Variants in CSMD1 observed in about 807,000 individuals in gnomAD.
CSMD1 encodes the protein CUB and Sushi multiple domains 1.
In CSMD1, 213 loss-of-function variants were observed where a neutral mutation model predicts 417.5. That is an observed-to-expected ratio of 0.51 (90% confidence interval 0.46 to 0.57). CSMD1 has a LOEUF of 0.57. Among genes scored for constraint, CSMD1 ranks in the 20% least tolerant of loss-of-function variants. The pLI is 0.00. For missense variants in CSMD1, 6,923 were observed against 4,529.7 expected (o/e 1.53, Z -15.17); for synonymous variants, 2,862 against 1,736.8 (o/e 1.65, Z -16.11).
At chr8:4,038,475 C>G (rs755880003) in intron 3 of CSMD1, among the ~76,000 whole-genome samples, 1 of 152,118 alleles carries the variant, frequency 6.6e-6, no homozygotes, top group South Asian at 2.1e-4. Flanking sequence ...TCGAGAAAAA[C>G]TAATTTGAAA....
At position 3,926,979 on chromosome 8, in the gene CSMD1, G is replaced by A. The variant is rs181088620; in HGVS notation, c.818+70924C>T. On this transcript the variant is annotated intron_variant, in intron 5 of 69. Coordinates refer to ENST00000635120, the MANE Select transcript of CSMD1 (RefSeq NM_033225.6). ...TCCACCCACCTCGGCCTCCCAAAGTGCTAGGATTACAGGCGTGAGCCACCG... is the reference window on the plus strand; with the variant it reads ...TCCACCCACCTCGGCCTCCCAAAGTACTAGGATTACAGGCGTGAGCCACCG... 2.5e-3 allele frequency among the ~76,000 whole-genome samples: 378 copies of A among 152,008 alleles called. 4 individuals carry two copies. The highest frequency in any genetic ancestry group is 4.3e-3 in the Non-Finnish European group (289 of 67,918).
chr8:2,984,281 A>C (rs1805666837), intron 54 of CSMD1, among the ~76,000 whole-genome samples: 1 of 152,076 alleles, frequency 6.6e-6, no homozygotes, highest in African/African-American at 2.4e-5. Flanking sequence ...AACGCACAGG[A>C]GGGAGAGGTA....
intron 4 of CSMD1, among the ~76,000 whole-genome samples, chr8:4,015,782 T>A (rs1796493597): frequency 6.6e-6 from 1 of 152,128 alleles, no homozygotes; most frequent in Admixed American, 6.5e-5. Context: ...TAAATGTATG[T>A]GTTCAGACAA....
chr8:4,559,200 T>C (rs1463004600), intron 2 of CSMD1, among the ~76,000 whole-genome samples: 2 of 152,158 alleles, frequency 1.3e-5, no homozygotes, highest in Non-Finnish European at 2.9e-5. Flanking sequence ...CTGGCTTTAG[T>C]CTCTTATGAC....
At chr8:4,189,693 T>G (rs1369855238) in intron 3 of CSMD1, among the ~76,000 whole-genome samples, 6 of 152,158 alleles carry the variant, frequency 3.9e-5, no homozygotes, top group Non-Finnish European at 7.4e-5. Context: ...GGAAAGAGTG[T>G]TGAGAATTAA....
At chr8:3,539,823 C>T (rs144347752) in intron 10 of CSMD1, among the ~76,000 whole-genome samples, 10 of 151,152 alleles carry the variant, frequency 6.6e-5, no homozygotes, top group South Asian at 2.1e-4. Context: ...AAACTCTAGA[C>T]GTGTTAAGGT....
Position 4,219,454 on chromosome 8 carries a change from C to G in CSMD1, c.416-187355G>C, listed in dbSNP as rs1001917343. Among the ~76,000 whole-genome samples the G allele has an allele frequency of 3.9e-5, 6 of 152,270 alleles. 1 individual carries two copies. The South Asian group carries it at 6.2e-4, about 16-fold the overall frequency. Reference sequence around the variant, plus strand: ...CTCTGATCATAATTCATACCCGAACCTCTCTCTTGAACTCTAGTCCTGAAT... The same window carrying G: ...CTCTGATCATAATTCATACCCGAACGTCTCTCTTGAACTCTAGTCCTGAAT... On this transcript the variant is annotated intron_variant, in intron 3 of 69. Transcript: ENST00000635120.
intron 3 of CSMD1, among the ~76,000 whole-genome samples, chr8:4,050,847 G>T (rs909447872): frequency 6.6e-6 from 1 of 152,118 alleles, no homozygotes; most frequent in Non-Finnish European, 1.5e-5. Flanking sequence ...TTTTAGAGAA[G>T]ATTCTGGATC....
At chr8:4,007,219 A>T (rs1816195203) in intron 4 of CSMD1, among the ~76,000 whole-genome samples, 1 of 152,108 alleles carries the variant, frequency 6.6e-6, no homozygotes, top group South Asian at 2.1e-4. Context: ...TTCTATTCAA[A>T]GCTGTGAACT....
At chr8:3,802,795 C>T (rs1343686843) in intron 5 of CSMD1, among the ~76,000 whole-genome samples, 1 of 152,118 alleles carries the variant, frequency 6.6e-6, no homozygotes, top group East Asian at 1.9e-4. Flanking sequence ...TTTGCTTTAA[C>T]TAAAGAAATG....
chr8:3,906,283 T>G (rs1026435253), intron 5 of CSMD1, among the ~76,000 whole-genome samples: 1 of 119,520 alleles, frequency 8.4e-6, no homozygotes, highest in East Asian at 2.6e-4. Flanking sequence ...ATAAAATCAA[T>G]TGTCATAGGG....
At chr8:3,715,238 G>A (rs756901126) in intron 6 of CSMD1, among the ~76,000 whole-genome samples, 5 of 152,110 alleles carry the variant, frequency 3.3e-5, no homozygotes, top group Admixed American at 1.3e-4. Flanking sequence ...CTAAGTAAGC[G>A]TTGAGCCAAT....
intron 3 of CSMD1, among the ~76,000 whole-genome samples, chr8:4,125,177 T>A (rs561141759): frequency 1.1e-4 from 16 of 152,200 alleles, no homozygotes; most frequent in African/African-American, 3.6e-4. Flanking sequence ...AGATAACTCT[T>A]GGGGCCCCAA....
At chr8:3,572,417 C>T (rs1220325478) in intron 10 of CSMD1, among the ~76,000 whole-genome samples, 5 of 152,144 alleles carry the variant, frequency 3.3e-5, no homozygotes, top group African/African-American at 1.2e-4. Flanking sequence ...GCAGCAGACG[C>T]AGGGAGCTTC....
chr8:4,761,912 A>ACCTATCT (rs1812126573), intron 1 of CSMD1, among the ~76,000 whole-genome samples: 1 of 101,268 alleles, frequency 9.9e-6, no homozygotes, highest in Non-Finnish European at 2.0e-5. Flanking sequence ...TCTATCTATC[A>ACCTATCT]ATCTATCTAT....
intron 7 of CSMD1, among the ~76,000 whole-genome samples, chr8:3,658,709 G>A (rs988914507): frequency 6.6e-6 from 1 of 152,032 alleles, no homozygotes; most frequent in Non-Finnish European, 1.5e-5. Context: ...CTTGAACGCA[G>A]GAGGCTAAGG....
intron 1 of CSMD1, among the ~76,000 whole-genome samples, chr8:4,914,591 A>G (rs1805928564): frequency 1.3e-5 from 2 of 151,990 alleles, no homozygotes; most frequent in East Asian, 1.9e-4. Flanking sequence ...AAGAAAAAAA[A>G]AAAAAAAAAA....
chr8:4,432,566 C>A (rs752500032), intron 2 of CSMD1, among the ~76,000 whole-genome samples: 1 of 152,148 alleles, frequency 6.6e-6, no homozygotes, highest in Non-Finnish European at 1.5e-5. Flanking sequence ...ACCCTTATGA[C>A]TTAAAGACAG....
In CSMD1 at chr8:3,201,639, G is replaced by C; in HGVS notation, c.5071C>G (p.Leu1691Val). ...GAGTGAGACCCCGAGAGTGAGCTGA[G>C]AAGTCTGGCCTGTGCATGGGTTCCA... ...FDGTHAQARL[L>V]SSLSGSHSGE... Residue 1691 changes from leucine to valine, a missense_variant, in exon 32 of 70, where the codon CTC (leucine) becomes GTC (valine). By Grantham distance (32) the Leu-to-Val change is conservative. Coordinates refer to ENST00000635120, the MANE Select transcript of CSMD1 (RefSeq NM_033225.6). 4 of 1,604,872 alleles carry C rather than the reference G, an allele frequency of 2.5e-6. No homozygotes were observed. Among genetic ancestry groups the C allele is most frequent in the African/African-American group, 1.3e-5 (1 of 74,852 alleles).
Sources: allele counts gnomAD v4.1 joint callset (sites outside exome capture counted in the v4.1 genomes callset), GRCh38; gene constraint gnomAD v4.1.1; transcripts MANE v1.5; gene names NCBI Gene and HGNC (gene_info 2026-07-23, HGNC 2026-07-21).